Variants in IL1RAPL1 observed in about 807,000 individuals in gnomAD.
IL1RAPL1 encodes interleukin 1 receptor accessory protein like 1.
Under a neutral mutation model 48.4 loss-of-function variants are expected in IL1RAPL1, and 3 were observed. The observed-to-expected ratio is 0.06, with a 90% CI of 0.03 to 0.16. IL1RAPL1 has a LOEUF of 0.16. Among genes scored for constraint, IL1RAPL1 ranks in the 10% least tolerant of loss-of-function variants. The pLI is 1.00. For synonymous variants in IL1RAPL1, 185 were observed against 187.7 expected (o/e 0.99, Z 0.12); for missense variants, 349 against 530.6 (o/e 0.66, Z 3.36).
At chrX:29,713,829 A>AGTT (rs1198845479) in intron 6 of IL1RAPL1, among the ~76,000 whole-genome samples, 1 of 112,317 alleles carries the variant, frequency 8.9e-6, no homozygotes, top group Non-Finnish European at 1.9e-5. Context: ...AACTCTAGAG[A>AGTT]ACATTTTAAA....
At chrX:29,928,406 T>C (rs113966624) in intron 8 of IL1RAPL1, among the ~76,000 whole-genome samples, 1 of 101,922 alleles carries the variant, frequency 9.8e-6, no homozygotes, top group Admixed American at 1.0e-4. Context: ...CACTCCTCCT[T>C]CTCAGAACCA....
At chrX:29,439,263 A>G (rs909623499) in intron 5 of IL1RAPL1, among the ~76,000 whole-genome samples, 6 of 111,354 alleles carry the variant, frequency 5.4e-5, no homozygotes, top group Non-Finnish European at 3.8e-5. Context: ...TCTGTTCCAT[A>G]TATCTAAATT....
chrX:28,910,334 T>C lies in IL1RAPL1; in HGVS notation c.82+120909T>C, dbSNP rs1337028214. On this transcript the variant is annotated intron_variant, in intron 2 of 10. Transcript: ENST00000378993. ...AACAGTGACAACAAGGAAAAACATT[T>C]GATGTTAGTAATATGTGAAATCTTA... 1.3e-4 allele frequency among the ~76,000 whole-genome samples: 15 copies of C among 111,458 alleles called. No individual in the cohort carries two copies. The Admixed American group carries it at 1.4e-3, about 11-fold the overall frequency.
rs183769344 is a variant in IL1RAPL1, at chrX:29,298,537, C to T, written c.362+15320C>T. On this transcript the variant is annotated intron_variant, in intron 3 of 10. Transcript: ENST00000378993. The stretch of plus-strand genomic sequence containing the variant: ...TGCCTGAAATCTCAGAATAGCATTT[C>T]CTCCACCTTACAAAAGAAAGGCACA... 4.5e-5 allele frequency among the ~76,000 whole-genome samples: 5 copies of T among 112,054 alleles called. No homozygotes were observed. In the East Asian group the frequency reaches 1.4e-3, roughly 32 times the overall value.
At chrX:29,523,488 A>G (rs751049118) in intron 5 of IL1RAPL1, among the ~76,000 whole-genome samples, 5 of 111,960 alleles carry the variant, frequency 4.5e-5, no homozygotes, top group Non-Finnish European at 7.5e-5. Context: ...AAATAAAATT[A>G]ATTTCCAAAT....
chrX:28,661,456 T>C (rs1934821053), intron 1 of IL1RAPL1, among the ~76,000 whole-genome samples: 1 of 111,770 alleles, frequency 8.9e-6, no homozygotes. Context: ...GAATTTGTTA[T>C]GTTAAATAAT....
rs1229098823 is a variant in IL1RAPL1 at position 29,322,275 on chromosome X, CT to C, written c.362+39068del. Among the ~76,000 whole-genome samples the C allele has an allele frequency of 3.9e-3, 388 of 98,339 alleles. 2 individuals carry two copies. Among genetic ancestry groups the C allele is most frequent in the African/African-American group, 0.013 (342 of 27,014 alleles). 85.4% of individuals were successfully genotyped at this position (98,339 alleles called of 115,157 possible). A position where few individuals can be genotyped will look rare whatever the true frequency, so the allele number is the denominator to read the frequency against. ...TCTTTCTCTCTCTCTCTCTTTCTTT[CT>C]TTTTTTTTTGATGGAGTTTCTTTCT... On this transcript the variant is annotated intron_variant, in intron 3 of 10. Transcript: ENST00000378993.
Position 28,800,258 on chromosome X carries a change from A to G in IL1RAPL1, c.82+10833A>G, listed in dbSNP as rs146339272. On this transcript the variant is annotated intron_variant, in intron 2 of 10. Coordinates refer to ENST00000378993, the MANE Select transcript of IL1RAPL1 (RefSeq NM_014271.4). ...TCATTGGATTTAGGATCCACTGGGA[A>G]AATCCAGCATGATCTCATTTTGAGA... Among the ~76,000 whole-genome samples the G allele has an allele frequency of 2.3e-4, 26 of 112,045 alleles. No individual in the cohort carries two copies. The East Asian group carries it at 5.6e-3, about 24-fold the overall frequency.
intron 5 of IL1RAPL1, among the ~76,000 whole-genome samples, chrX:29,551,252 G>A (rs1223915307): frequency 8.9e-6 from 1 of 112,063 alleles, no homozygotes; most frequent in Non-Finnish European, 1.9e-5. Flanking sequence ...CTTGGCTATT[G>A]TGAATAGTGC....
At chrX:29,858,405 G>C (rs1931517063) in intron 6 of IL1RAPL1, among the ~76,000 whole-genome samples, 3 of 111,113 alleles carry the variant, frequency 2.7e-5, no homozygotes, top group South Asian at 7.6e-4. Context: ...CATATACTCT[G>C]GGGAGTGCAA....
chrX:29,613,500 C>A (rs919321784), intron 5 of IL1RAPL1, among the ~76,000 whole-genome samples: 2 of 110,951 alleles, frequency 1.8e-5, no homozygotes, highest in African/African-American at 6.6e-5. Context: ...ACAATTCGAT[C>A]CCTCCTCAAG....
At chrX:29,520,048 A>G (rs1935487519) in intron 5 of IL1RAPL1, among the ~76,000 whole-genome samples, 1 of 112,432 alleles carries the variant, frequency 8.9e-6, no homozygotes, top group Admixed American at 9.4e-5. Context: ...TGGTCTATCC[A>G]TGATAGTTCT....
intron 2 of IL1RAPL1, among the ~76,000 whole-genome samples, chrX:29,037,629 T>C (rs1347460223): frequency 8.9e-6 from 1 of 111,872 alleles, no homozygotes; most frequent in East Asian, 2.8e-4. Flanking sequence ...ACTCACATTA[T>C]AATAAATAGT....
intron 6 of IL1RAPL1, among the ~76,000 whole-genome samples, chrX:29,758,326 G>A (rs995378135): frequency 4.5e-5 from 5 of 111,192 alleles, no homozygotes; most frequent in African/African-American, 9.8e-5. Context: ...ATGGCAAGAC[G>A]GGGAAAGAAA....
At chrX:28,690,165 C>A (rs1156645465) in intron 1 of IL1RAPL1, among the ~76,000 whole-genome samples, 1 of 111,574 alleles carries the variant, frequency 9.0e-6, no homozygotes, top group Non-Finnish European at 1.9e-5. Flanking sequence ...CAGCCTTGGG[C>A]AGTATCTCTA....
chrX:28,999,210 C>G (rs868047124), intron 2 of IL1RAPL1, among the ~76,000 whole-genome samples: 3 of 111,315 alleles, frequency 2.7e-5, no homozygotes, highest in Non-Finnish European at 5.7e-5. Flanking sequence ...TTCTTCTTTC[C>G]CCATCTTCTT....
intron 2 of IL1RAPL1, among the ~76,000 whole-genome samples, chrX:29,033,904 A>C (rs1255813364): frequency 9.1e-6 from 1 of 110,140 alleles, no homozygotes; most frequent in Non-Finnish European, 1.9e-5. Flanking sequence ...AATGGGACAC[A>C]CACACACACA....
chrX:29,803,301 A>ATG (rs201522868), intron 6 of IL1RAPL1, among the ~76,000 whole-genome samples: 24 of 19,652 alleles, frequency 1.2e-3, no homozygotes, highest in African/African-American at 2.4e-3. Flanking sequence ...ATATGTATAC[A>ATG]TATACACACA....
intron 1 of IL1RAPL1, among the ~76,000 whole-genome samples, chrX:28,759,550 G>A (rs1035922019): frequency 1.8e-5 from 2 of 111,214 alleles, no homozygotes; most frequent in African/African-American, 6.5e-5. Flanking sequence ...CTAGGATCCC[G>A]ACTCATTATT....
Sources: gnomAD v4.1 joint callset for allele counts (sites outside exome capture counted in the v4.1 genomes callset) on GRCh38, gnomAD v4.1.1 for gene constraint, MANE v1.5 for transcripts, NCBI Gene and HGNC (gene_info 2026-07-23, HGNC 2026-07-21) for gene names.